Variants in PPP1R9A observed in about 807,000 individuals in gnomAD.
The protein encoded by PPP1R9A is neurabin-1.
Under a neutral mutation model 141.9 loss-of-function variants are expected in PPP1R9A, and 59 were observed. That is an observed-to-expected ratio of 0.42 (90% CI 0.34 to 0.52). PPP1R9A has a LOEUF of 0.52. Ranked by LOEUF, PPP1R9A falls within the 20% of genes least tolerant of loss-of-function variation. The pLI, the probability that PPP1R9A is intolerant of heterozygous loss-of-function variation, is 0.10. For synonymous variants in PPP1R9A, 500 were observed against 569.7 expected (o/e 0.88, Z 1.74); for missense variants, 1,444 against 1,611.9 (o/e 0.90, Z 1.78).
At position 95,203,603 on chromosome 7, in the gene PPP1R9A, A is replaced by T. The variant is rs1028371585; in HGVS notation, c.1891-62A>T. ...GGGACTCAGTGTTTTTCAATCCTTT[A>T]TCAGGCTGCTCTCTGCGGTGGGGGT... On this transcript the variant is annotated intron_variant, in intron 6 of 19. Coordinates refer to ENST00000433360, the MANE Select transcript of PPP1R9A (RefSeq NM_001166160.2). 27 of 1,258,920 alleles carry T rather than the reference A, an allele frequency of 2.1e-5. No homozygotes were observed. The African/African-American group carries it at 3.9e-4, about 18-fold the overall frequency. 78.0% of individuals were successfully genotyped at this position (1,258,920 alleles called of 1,614,324 possible).
intron 2 of PPP1R9A, among the ~76,000 whole-genome samples, chr7:95,016,018 A>G (rs756691183): frequency 3.9e-5 from 6 of 152,176 alleles, no homozygotes; most frequent in Non-Finnish European, 4.4e-5. Context: ...GCGCTACTGC[A>G]CTTCAGCTTG....
intron 6 of PPP1R9A, among the ~76,000 whole-genome samples, chr7:95,201,034 T>C (rs1348956530): frequency 2.0e-5 from 3 of 152,088 alleles, no homozygotes; most frequent in Non-Finnish European, 4.4e-5. Context: ...TAACAAAAGA[T>C]GTTAAGAGAA....
rs372247578 is a variant in PPP1R9A at position 94,956,774 on chromosome 7, A to G, written c.1395+45266A>G. On this transcript the variant is annotated intron_variant, in intron 2 of 19. Transcript: ENST00000433360. Reference sequence around the variant, plus strand: ...GAAGGCAAATCTTATTATTATTTTTAATTTCACAGTTACTGGCTCAGTGCC... The same window carrying G: ...GAAGGCAAATCTTATTATTATTTTTGATTTCACAGTTACTGGCTCAGTGCC... Among the ~76,000 whole-genome samples the G allele has an allele frequency of 1.1e-4, 17 of 152,160 alleles. No individual in the cohort carries two copies. In the East Asian group the frequency reaches 2.3e-3, roughly 21 times the overall value.
intron 7 of PPP1R9A, among the ~76,000 whole-genome samples, chr7:95,207,163 C>T (rs1292657428): frequency 6.7e-6 from 1 of 149,584 alleles, no homozygotes; most frequent in African/African-American, 2.5e-5. Flanking sequence ...GTACAAAGTT[C>T]GCAGGAAAAT....
intron 5 of PPP1R9A, among the ~76,000 whole-genome samples, chr7:95,191,353 AATG>A (rs1313043189): frequency 3.9e-5 from 6 of 152,234 alleles, no homozygotes; most frequent in Non-Finnish European, 8.8e-5. Flanking sequence ...TAATTGACAT[AATG>A]ATTGCATATA....
At chr7:94,908,780 GC>G (rs1442026597) in intron 1 of PPP1R9A, among the ~76,000 whole-genome samples, 1 of 152,094 alleles carries the variant, frequency 6.6e-6, no homozygotes, top group East Asian at 1.9e-4. Flanking sequence ...GATTGTCGAT[GC>G]TTTACAAAAA....
At chr7:95,104,905 A>G (rs1819296311) in intron 2 of PPP1R9A, among the ~76,000 whole-genome samples, 2 of 152,216 alleles carry the variant, frequency 1.3e-5, no homozygotes, top group African/African-American at 4.8e-5. Context: ...GGTTCTGCCA[A>G]GGAAGCTTGT....
chr7:95,283,581 T>G (rs1409104566), intron 16 of PPP1R9A, among the ~76,000 whole-genome samples: 12 of 152,182 alleles, frequency 7.9e-5, no homozygotes, highest in Admixed American at 7.9e-4. Context: ...TATATCATTT[T>G]CTTAAGTCTC....
rs549572898 is a variant in PPP1R9A at position 95,234,361 on chromosome 7, G to A, written c.2112+8245G>A. On this transcript the variant is annotated intron_variant, in intron 8 of 19. Transcript: ENST00000433360. ...ATACAAAATTAATGTACACAAATCAGTAGCTCTGCTATACACCAACAGCGA... is the reference window on the plus strand; with the variant it reads ...ATACAAAATTAATGTACACAAATCAATAGCTCTGCTATACACCAACAGCGA... Among the ~76,000 whole-genome samples the A allele has an allele frequency of 5.9e-5, 9 of 152,266 alleles. 1 individual carries two copies. In the East Asian group the frequency reaches 1.7e-3, roughly 29 times the overall value.
At position 95,089,872 on chromosome 7, in the gene PPP1R9A, AAC is replaced by A. The variant is rs370909977; in HGVS notation, c.1396-21381_1396-21380del. On this transcript the variant is annotated intron_variant, in intron 2 of 19. Coordinates refer to ENST00000433360, the MANE Select transcript of PPP1R9A (RefSeq NM_001166160.2). ...GTCATATGACAGATTATTCCACACA[AAC>A]ACACATACTAAAAAAGCCATTGTGA... Among the ~76,000 whole-genome samples the A allele has an allele frequency of 3.0e-3, 457 of 152,056 alleles. 6 individuals are homozygous for A. The highest frequency in any genetic ancestry group is 4.1e-3 in the South Asian group (20 of 4,828).
At chr7:95,039,067 C>T (rs1335474167) in intron 2 of PPP1R9A, among the ~76,000 whole-genome samples, 4 of 152,126 alleles carry the variant, frequency 2.6e-5, no homozygotes, top group Admixed American at 1.3e-4. Context: ...TCAACAAAAA[C>T]TTATAAGGCA....
intron 12 of PPP1R9A, among the ~76,000 whole-genome samples, chr7:95,258,796 G>A (rs1411094041): frequency 7.9e-5 from 12 of 152,094 alleles, no homozygotes; most frequent in Non-Finnish European, 1.8e-4. Context: ...CAAAGATAAA[G>A]TGTCACAGTA....
At chr7:94,998,938 T>C (rs1802525392) in intron 2 of PPP1R9A, among the ~76,000 whole-genome samples, 1 of 152,100 alleles carries the variant, frequency 6.6e-6, no homozygotes, top group African/African-American at 2.4e-5. Context: ...AAATGTTTGG[T>C]AGAGACAGGG....
intron 4 of PPP1R9A, among the ~76,000 whole-genome samples, chr7:95,159,792 G>A (rs913351692): frequency 6.6e-6 from 1 of 151,862 alleles, no homozygotes; most frequent in Non-Finnish European, 1.5e-5. Context: ...CGGGCTTGGT[G>A]GTGCATGCCT....
intron 2 of PPP1R9A, among the ~76,000 whole-genome samples, chr7:95,047,947 A>T (rs912840991): frequency 6.6e-6 from 1 of 152,208 alleles, no homozygotes; most frequent in Admixed American, 6.5e-5. Flanking sequence ...CCTTAGACAG[A>T]ATTCAGTTTT....
At chr7:95,120,641 C>T in intron 3 of PPP1R9A, 71 bp from the exon 4 acceptor site, 12 of 1,506,224 alleles carry the variant, frequency 8.0e-6, no homozygotes, top group Non-Finnish European at 1.1e-5. Flanking sequence ...GCAAGTAGGT[C>T]TCACCAGCTA....
intron 2 of PPP1R9A, among the ~76,000 whole-genome samples, chr7:95,016,884 C>A (rs1357707370): frequency 2.0e-5 from 3 of 152,122 alleles, no homozygotes; most frequent in Non-Finnish European, 4.4e-5. Flanking sequence ...CCTCTGGTAC[C>A]TTTCAATGTA....
chr7:95,218,621 C>G (rs930847145), intron 7 of PPP1R9A, among the ~76,000 whole-genome samples: 1 of 151,856 alleles, frequency 6.6e-6, no homozygotes, highest in African/African-American at 2.4e-5. Context: ...TTGTAGATCT[C>G]TAAGGACTTG....
At chr7:95,103,620 G>T (rs1470751046) in intron 2 of PPP1R9A, among the ~76,000 whole-genome samples, 1 of 151,862 alleles carries the variant, frequency 6.6e-6, no homozygotes, top group Non-Finnish European at 1.5e-5. Context: ...CGCCTGCCTC[G>T]GCCTCCCAAA....
Sources: gnomAD v4.1 joint callset for allele counts (sites outside exome capture counted in the v4.1 genomes callset) on GRCh38, gnomAD v4.1.1 for gene constraint, MANE v1.5 for transcripts, NCBI Gene and HGNC (gene_info 2026-07-23, HGNC 2026-07-21) for gene names.